The following C18orf63 variants were observed in gnomAD, a reference collection of about 807,000 sequenced individuals.
C18orf63 encodes uncharacterized protein C18orf63.
In C18orf63, 50 loss-of-function variants were observed where a neutral mutation model predicts 75.3. That is an observed-to-expected ratio of 0.66 (90% CI 0.53 to 0.84). The LOEUF is 0.84. Among genes scored for constraint, C18orf63 ranks in the 40% least tolerant of loss-of-function variants. C18orf63 has a pLI of 0.00. For missense variants in C18orf63, 732 were observed against 800.2 expected, an observed-to-expected ratio of 0.91 and a Z score of 1.03; for synonymous variants, 232 against 267.6, an observed-to-expected ratio of 0.87 and a Z score of 1.30.
chr18:74,357,903 T>G lies in C18orf63; in HGVS notation c.*1456T>G, dbSNP rs534250908. 1 of 152,190 alleles carries G rather than the reference T, an allele frequency of 6.6e-6. No homozygotes were observed. The highest frequency in any genetic ancestry group is 1.5e-5 in the Non-Finnish European group (1 of 68,028). 9.4% of individuals were successfully genotyped at this position (152,190 alleles called of 1,614,324 possible). A position where few individuals can be genotyped will look rare whatever the true frequency, so the allele number is the denominator to read the frequency against. On this transcript the variant is annotated 3_prime_UTR_variant, in exon 14 of 14. Coordinates refer to ENST00000579455, the MANE Select transcript of C18orf63 (RefSeq NM_001174123.2). ...ATTATAGATATCTAGTAGACTGTTA[T>G]AAAGAGTGGTATGTCATTTTGTTTA...
At chr18:74,323,532 C>T (rs146334761) in intron 4 of C18orf63, among the ~76,000 whole-genome samples, 1 of 152,274 alleles carries the variant, frequency 6.6e-6, no homozygotes, top group East Asian at 1.9e-4. Context: ...TTTGCTGAGA[C>T]AAGTCTTTGG....
At position 74,353,316 on chromosome 18, in the gene C18orf63, C is replaced by G; in HGVS notation, c.1049C>G (p.Ser350Cys). The change falls in exon 12 of 14, where the codon TCC (serine) becomes TGC (cysteine). Residue 350 changes from serine (S) to cysteine (C), a missense_variant. Around this residue, in one of 3 missense-constraint regions of C18orf63, gnomAD observed 495 missense variants for 508.7 expected, o/e 0.97. Transcript: ENST00000579455. ...MLRASLTQAT[S>C]RKPACAQSLL... Reference sequence around the variant, plus strand: ...AGGGCATCTCTGACTCAAGCCACTTCCAGAAAGCCTGCCTGTGCTCAAAGT... The same window carrying G: ...AGGGCATCTCTGACTCAAGCCACTTGCAGAAAGCCTGCCTGTGCTCAAAGT... The G allele has an allele frequency of 2.6e-6, 4 of 1,536,484 alleles. No individual in the cohort carries two copies. The highest frequency in any genetic ancestry group is 3.5e-6 in the Non-Finnish European group (4 of 1,146,968).
intron 6 of C18orf63, among the ~76,000 whole-genome samples, chr18:74,329,864 A>G (rs1224344622): frequency 2.6e-5 from 4 of 152,198 alleles, no homozygotes; most frequent in Non-Finnish European, 5.9e-5. Flanking sequence ...CAGATAGATG[A>G]TAATCCTGAG....
chr18:74,354,798 C>G (rs1984735432), intron 13 of C18orf63, among the ~76,000 whole-genome samples: 1 of 152,300 alleles, frequency 6.6e-6, no homozygotes, highest in African/African-American at 2.4e-5. Flanking sequence ...TCACTCTGTT[C>G]TGGGGATCCT....
In C18orf63 at chr18:74,353,326, T is replaced by C; in HGVS notation, c.1059T>C (p.Pro353=). ...ASLTQATSRK[P]ACAQSLLPCS... is the part of the protein sequence containing the mutation. ...TGACTCAAGCCACTTCCAGAAAGCCTGCCTGTGCTCAAAGTCTTCTACCAT... is the reference window on the plus strand; with the variant it reads ...TGACTCAAGCCACTTCCAGAAAGCCCGCCTGTGCTCAAAGTCTTCTACCAT... The change falls in exon 12 of 14, where the codon CCT becomes CCC. Residue 353 remains proline, a synonymous_variant. Coordinates refer to ENST00000579455, the MANE Select transcript of C18orf63 (RefSeq NM_001174123.2). 3 of 1,536,566 alleles carry C rather than the reference T, an allele frequency of 2.0e-6. No individual in the cohort carries two copies. Among genetic ancestry groups the C allele is most frequent in the Non-Finnish European group, 1.7e-6 (2 of 1,146,988 alleles).
At chr18:74,321,029 AATTAGT>A (rs1215926987) in intron 3 of C18orf63, among the ~76,000 whole-genome samples, 1 of 152,204 alleles carries the variant, frequency 6.6e-6, no homozygotes, top group East Asian at 1.9e-4. Context: ...AAAATTTTAA[AATTAGT>A]ATTAGAAAGA....
intron 2 of C18orf63, 54 bp from the exon 3 acceptor site, chr18:74,320,459 G>A (rs1984101399): frequency 8.2e-7 from 1 of 1,219,330 alleles, no homozygotes; most frequent in Non-Finnish European, 1.1e-6. Flanking sequence ...ATTTGGGTGG[G>A]GACACAGAAC....
At chr18:74,354,756 A>T (rs1376507205) in intron 13 of C18orf63, among the ~76,000 whole-genome samples, 3 of 152,154 alleles carry the variant, frequency 2.0e-5, no homozygotes, top group African/African-American at 7.2e-5. Context: ...TCAAAGAGGG[A>T]TGGGTGCAAA....
chr18:74,316,932 G>A (rs1190239700), intron 1 of C18orf63, among the ~76,000 whole-genome samples: 1 of 152,138 alleles, frequency 6.6e-6, no homozygotes, highest in Non-Finnish European at 1.5e-5. Flanking sequence ...TTGAAGATTG[G>A]CAAAACGGGA....
At position 74,316,042 on chromosome 18, in the gene C18orf63, TGAG is replaced by T. The variant is rs1984015212; in HGVS notation, c.-96_-94del. ...CCGCCCACCCGCCCTTTCCTCCCCC[TGAG>T]GAGACGCCTGACGCATCTGCAGTGC... On this transcript the variant is annotated 5_prime_UTR_variant, in exon 1 of 14. Coordinates refer to ENST00000579455, the MANE Select transcript of C18orf63 (RefSeq NM_001174123.2). 6.6e-6 allele frequency: 1 copy of T among 151,672 alleles called. No individual in the cohort carries two copies. The highest frequency in any genetic ancestry group is 1.5e-5 in the Non-Finnish European group (1 of 67,942). The allele number at this position is 151,672 out of a possible 1,614,324, so 9.4% of individuals were successfully genotyped here.
In C18orf63 at chr18:74,343,564, A is replaced by G. The variant is rs1024330115; in HGVS notation, c.840A>G (p.Pro280=). The change falls in exon 11 of 14, where the codon CCA becomes CCG. Residue 280 remains proline, a synonymous_variant. Transcript: ENST00000579455. ...GAAGTCAGCCCATGCAGTTCTTTCC[A>G]AGGGTAGATTCGGAAGTTGTGTTGA... ...CIRSQPMQFF[P]RVDSEVVLKS... is the part of the protein sequence containing the mutation. The G allele has an allele frequency of 1.0e-5, 16 of 1,534,678 alleles. No individual in the cohort carries two copies. In the African/African-American group the frequency reaches 1.9e-4, roughly 18 times the overall value.
At chr18:74,341,700 T>G (rs1984490224) in intron 8 of C18orf63, among the ~76,000 whole-genome samples, 1 of 150,758 alleles carries the variant, frequency 6.6e-6, no homozygotes, top group Non-Finnish European at 1.5e-5. Context: ...AAATAAATAA[T>G]AGCACTAAGA....
intron 8 of C18orf63, among the ~76,000 whole-genome samples, chr18:74,341,775 G>A (rs1035328598): frequency 1.3e-5 from 2 of 151,478 alleles, no homozygotes; most frequent in African/African-American, 4.9e-5. Context: ...TAATTAGCTC[G>A]ACTTAGCAAT....
At chr18:74,329,108 G>A (rs1984259127) in intron 6 of C18orf63, 72 bp downstream of exon 6, 1 of 994,386 alleles carries the variant, frequency 1.0e-6, no homozygotes, top group Middle Eastern at 2.1e-4. Flanking sequence ...AGTATCATAT[G>A]CTGGGCACAG....
intron 5 of C18orf63, 147 bp from the exon 6 acceptor site, chr18:74,328,848 G>A: frequency 2.2e-6 from 1 of 460,220 alleles, no homozygotes; most frequent in Non-Finnish European, 3.9e-6. Context: ...TATTTTTTCA[G>A]CTGTCATCAG....
At chr18:74,330,096 C>G (rs1241327413) in intron 6 of C18orf63, among the ~76,000 whole-genome samples, 1 of 152,110 alleles carries the variant, frequency 6.6e-6, no homozygotes. Flanking sequence ...CTAGTTTCAT[C>G]TCCAAACACT....
At position 74,322,703 on chromosome 18, in the gene C18orf63, AT is replaced by A; in HGVS notation, c.223del (p.Tyr75IlefsTer23). ...NQIWVVMAIP[F>X]YKARKLNAYV... ...AATGTGGATTTTTGTTACAGATACC[AT>A]TTTATAAAGCAAGAAAACTTAATGC... On this transcript the variant is annotated frameshift_variant, in exon 4 of 14. Transcript: ENST00000579455. LOFTEE classifies it high-confidence loss of function. 1.5e-6 allele frequency: 2 copies of A among 1,308,826 alleles called. No individual in the cohort carries two copies. The highest frequency in any genetic ancestry group is 2.1e-6 in the Non-Finnish European group (2 of 961,290). 81.1% of individuals were successfully genotyped at this position (1,308,826 alleles called of 1,614,324 possible).
chr18:74,347,479 C>G (rs1342220161), intron 11 of C18orf63, among the ~76,000 whole-genome samples: 1 of 152,166 alleles, frequency 6.6e-6, no homozygotes, highest in Admixed American at 6.5e-5. Flanking sequence ...ACAGGCACAT[C>G]CTTGGGCATT....
chr18:74,331,621 G>C (rs1984308820), intron 7 of C18orf63, among the ~76,000 whole-genome samples: 1 of 152,190 alleles, frequency 6.6e-6, no homozygotes, highest in East Asian at 1.9e-4. Flanking sequence ...GTAGAGGCCA[G>C]AGAAGGGATG....
Sources: allele counts gnomAD v4.1 joint callset (sites outside exome capture counted in the v4.1 genomes callset), GRCh38; gene constraint gnomAD v4.1.1; regional missense constraint gnomAD v4.1.1; transcripts MANE v1.5; gene names NCBI Gene and HGNC (gene_info 2026-07-23, HGNC 2026-07-21).